Variants in SMPD4 observed in about 807,000 individuals in gnomAD.
SMPD4 encodes sphingomyelin phosphodiesterase 4, also known as neutral sphingomyelinase 3.
A neutral mutation model predicts 97.8 loss-of-function variants in SMPD4; 58 were observed. That is an observed-to-expected ratio of 0.59 (90% CI 0.48 to 0.74). The LOEUF is 0.74. Among genes scored for constraint, SMPD4 ranks in the 30% least tolerant of loss-of-function variants. SMPD4 has a pLI of 0.00. For synonymous variants in SMPD4, 388 were observed against 450.0 expected (o/e 0.86, Z 1.74); for missense variants, 853 against 1,080.5 (o/e 0.79, Z 2.95).
rs752840120 is a variant in SMPD4 at position 130,154,340 on chromosome 2, G to A, written c.1596C>T (p.Val532=). 13 of 1,611,600 alleles carry A rather than the reference G, an allele frequency of 8.1e-6. No individual in the cohort carries two copies. Among genetic ancestry groups the A allele is most frequent in the Admixed American group, 5.0e-5 (3 of 59,950 alleles). Residue 532 remains valine, a synonymous_variant, in exon 16 of 20, where the codon GTC becomes GTT. Coordinates refer to ENST00000680298, the MANE Select transcript of SMPD4 (RefSeq NM_017951.5). ...TGCAGTCCTGGCCCTCCAGGCTGTAGACGTGGCTCTTCACCTTGAAGGAGG... is the reference window on the plus strand; with the variant it reads ...TGCAGTCCTGGCCCTCCAGGCTGTAAACGTGGCTCTTCACCTTGAAGGAGG... ...TDASFKVKSH[V]YSLEGQDCKY... is the part of the protein sequence containing the mutation.
intron 2 of SMPD4, among the ~76,000 whole-genome samples, chr2:130,175,375 A>C (rs1270568924): frequency 1.3e-5 from 2 of 152,268 alleles, no homozygotes; most frequent in East Asian, 3.9e-4. Context: ...AGTATAACTG[A>C]GTTTGTACGC....
upstream of SMPD4, chr2:130,181,634 G>A: frequency 6.4e-7 from 1 of 1,566,544 alleles, no homozygotes; most frequent in Non-Finnish European, 8.7e-7. Context: ...CCCGCGGCCG[G>A]GCGGGAAAAG....
intron 14 of SMPD4, 152 bp downstream of exon 14, chr2:130,155,883 C>T (rs1686732244): frequency 1.7e-5 from 12 of 693,156 alleles, no homozygotes; most frequent in East Asian, 5.4e-5. Flanking sequence ...GTCTGTGTTC[C>T]GCTCGGCAGG....
At chr2:130,179,368 G>T (rs1689275728) in intron 1 of SMPD4, among the ~76,000 whole-genome samples, 5 of 151,834 alleles carry the variant, frequency 3.3e-5, no homozygotes, top group Admixed American at 3.3e-4. Flanking sequence ...TGATCCGCCT[G>T]CCTCGGCCTC....
At chr2:130,171,793 CA>C (rs1407695957) in intron 8 of SMPD4, among the ~76,000 whole-genome samples, 2 of 152,216 alleles carry the variant, frequency 1.3e-5, no homozygotes, top group African/African-American at 4.8e-5. Flanking sequence ...GGTGCACAGG[CA>C]GCTGCTGCTG....
intron 1 of SMPD4, among the ~76,000 whole-genome samples, chr2:130,178,592 T>C (rs13031925): frequency 0.37 from 56,423 of 151,780 alleles, 10,697 homozygotes; most frequent in East Asian, 0.46. Flanking sequence ...GCCAGGAGTT[T>C]GAGACCAGTC....
intron 1 of SMPD4, among the ~76,000 whole-genome samples, chr2:130,180,300 C>G (rs1012572311): frequency 6.8e-6 from 1 of 148,082 alleles, no homozygotes; most frequent in Non-Finnish European, 1.5e-5. Flanking sequence ...GAGTCTCGCT[C>G]TGGGCTCTGT....
intron 15 of SMPD4, chr2:130,154,819 A>G (rs1343648257): frequency 7.2e-5 from 43 of 599,708 alleles, no homozygotes; most frequent in Admixed American, 5.1e-4. Flanking sequence ...AGGGAGAAAC[A>G]GCGGGGTCAC....
At chr2:130,178,080 A>C (rs1054287626) in intron 1 of SMPD4, among the ~76,000 whole-genome samples, 1 of 152,220 alleles carries the variant, frequency 6.6e-6, no homozygotes, top group African/African-American at 2.4e-5. Flanking sequence ...CCAGCAACCT[A>C]AATAAACCTG....
rs1020638620 is a variant in SMPD4, at chr2:130,151,577, C to T, written c.*978G>A. On this transcript the variant is annotated 3_prime_UTR_variant, in exon 20 of 20. Transcript: ENST00000680298. ...CAAAACCCCACACCGAAAACAAAGG[C>T]TTGGTTTGGAAATCACCACTGAGAT... The T allele has an allele frequency of 6.8e-6, 1 of 147,712 alleles. No individual in the cohort carries two copies. The highest frequency in any genetic ancestry group is 1.5e-5 in the Non-Finnish European group (1 of 67,364). The allele number at this position is 147,712 out of a possible 1,614,324, so 9.2% of individuals were successfully genotyped here. A position where few individuals can be genotyped will look rare whatever the true frequency, so the allele number is the denominator to read the frequency against.
chr2:130,173,973 A>T (rs947343967), intron 3 of SMPD4, among the ~76,000 whole-genome samples: 11 of 48,502 alleles, frequency 2.3e-4, no homozygotes, highest in South Asian at 1.2e-3. Flanking sequence ...AAATAAATTT[A>T]AAAAAAAACA....
At position 130,181,577 on chromosome 2, in the gene SMPD4, C is replaced by T; in HGVS notation, c.-93G>A. ...CGCCTCAGAGATGGAAGCCGCCATT[C>T]CGCCACGGCGCCGAAAGTCGTCATC... is the stretch of plus-strand genomic sequence containing the variant. On this transcript the variant is annotated 5_prime_UTR_variant, in exon 1 of 20. Coordinates refer to ENST00000680298, the MANE Select transcript of SMPD4 (RefSeq NM_017951.5). The T allele has an allele frequency of 1.2e-6, 2 of 1,606,646 alleles. No individual in the cohort carries two copies. The highest frequency in any genetic ancestry group is 2.2e-5 in the East Asian group (1 of 44,592).
intron 10 of SMPD4, among the ~76,000 whole-genome samples, chr2:130,163,971 A>G (rs1193855700): frequency 6.6e-6 from 1 of 152,160 alleles, no homozygotes; most frequent in South Asian, 2.1e-4. Flanking sequence ...GCTCCAGGCC[A>G]CCCCTTCATG....
rs1441788197 is a variant in SMPD4, at chr2:130,157,245, A to AC, written c.1097+5dup. Reference sequence around the variant, plus strand: ...GCAGTGGTGGGAAGCCGCAAGGGCCACCCACCGTTTGAACTCCTCCAGGGG... The same window carrying AC: ...GCAGTGGTGGGAAGCCGCAAGGGCCACCCCACCGTTTGAACTCCTCCAGGGG... On this transcript the variant is annotated splice_donor_region_variant and intron_variant, in intron 12 of 19. Coordinates refer to ENST00000680298, the MANE Select transcript of SMPD4 (RefSeq NM_017951.5). The AC allele has an allele frequency of 6.5e-7, 1 of 1,546,840 alleles. No homozygotes were observed. The highest frequency in any genetic ancestry group is 1.4e-5 in the African/African-American group (1 of 73,274).
chr2:130,154,094 T>C, intron 16 of SMPD4, 159 bp from the exon 17 acceptor site: 1 of 1,107,418 alleles, frequency 9.0e-7, no homozygotes, highest in Non-Finnish European at 1.3e-6. Flanking sequence ...CATTTGAAAT[T>C]TCCCAAGAAA....
At chr2:130,155,027 C>A in intron 15 of SMPD4, 69 bp downstream of exon 15, 1 of 1,575,918 alleles carries the variant, frequency 6.3e-7, no homozygotes, top group Non-Finnish European at 8.6e-7. Context: ...CCAGCCACCC[C>A]CAGCTAAGGG....
rs1687889115 is a variant in SMPD4, at chr2:130,165,988, T to C, written c.792+1470A>G. On this transcript the variant is annotated intron_variant, in intron 9 of 19. Transcript: ENST00000680298. ...GAAATAGTTAAGACAATAAGTTTCA[T>C]GTTATATATATCTTATAATTAAATT... Among the ~76,000 whole-genome samples the C allele has an allele frequency of 2.6e-5, 4 of 152,134 alleles. No individual in the cohort carries two copies. The South Asian group carries it at 8.3e-4, about 32-fold the overall frequency.
chr2:130,166,108 T>C (rs1490564870), intron 9 of SMPD4, among the ~76,000 whole-genome samples: 1 of 151,970 alleles, frequency 6.6e-6, no homozygotes, highest in Non-Finnish European at 1.5e-5. Context: ...GATCACTTGA[T>C]GTCAGGAGTT....
intron 11 of SMPD4, among the ~76,000 whole-genome samples, chr2:130,160,311 G>A (rs573298345): frequency 1.3e-5 from 2 of 152,306 alleles, no homozygotes; most frequent in South Asian, 2.1e-4. Context: ...GCCCACCAGC[G>A]CTAAGGAGCC....
Sources: allele counts gnomAD v4.1 joint callset (sites outside exome capture counted in the v4.1 genomes callset), GRCh38; gene constraint gnomAD v4.1.1; transcripts MANE v1.5; gene names NCBI Gene and HGNC (gene_info 2026-07-23, HGNC 2026-07-21).